Variants in MED13L observed in about 807,000 individuals in gnomAD.
The protein encoded by MED13L is mediator of RNA polymerase II transcription subunit 13-like.
Under a neutral mutation model 220.9 loss-of-function variants are expected in MED13L, and 7 were observed. That is an observed-to-expected ratio of 0.03 (90% CI 0.02 to 0.06). The LOEUF (loss-of-function observed/expected upper bound fraction) is 0.06, where lower values mean the gene tolerates loss of function less well. Ranked by LOEUF, MED13L falls within the 10% of genes least tolerant of loss-of-function variation. MED13L has a pLI of 1.00. For synonymous variants in MED13L, 1,011 were observed against 1,015.2 expected (o/e 1.00, Z 0.08); for missense variants, 1,965 against 2,760.5 (o/e 0.71, Z 6.46).
At chr12:116,107,613 G>C (rs1366167694) in intron 3 of MED13L, among the ~76,000 whole-genome samples, 2 of 152,190 alleles carry the variant, frequency 1.3e-5, no homozygotes, top group Non-Finnish European at 1.5e-5. Context: ...CTGCTTAGCT[G>C]TGAGAGATTC....
chr12:116,276,494 G>A (rs1427593246), intron 1 of MED13L: 5 of 1,287,454 alleles, frequency 3.9e-6, no homozygotes, highest in Admixed American at 2.3e-5. Flanking sequence ...GAGGCAGGCG[G>A]CTGTCGATGT....
At chr12:116,041,692 G>A (rs924990895) in intron 4 of MED13L, among the ~76,000 whole-genome samples, 3 of 152,154 alleles carry the variant, frequency 2.0e-5, no homozygotes, top group Admixed American at 1.3e-4. Flanking sequence ...AAAATTAGCT[G>A]GGTGTGGTGG....
At chr12:116,134,103 G>GT (rs1326665528) in intron 2 of MED13L, among the ~76,000 whole-genome samples, 3 of 152,010 alleles carry the variant, frequency 2.0e-5, no homozygotes, top group East Asian at 3.9e-4. Flanking sequence ...AAAATAAACT[G>GT]TTTTTTGCTA....
Position 116,192,319 on chromosome 12 carries a change from G to C in MED13L, c.310+45149C>G, listed in dbSNP as rs1466508667. Among the ~76,000 whole-genome samples the C allele has an allele frequency of 2.0e-5, 3 of 152,166 alleles. No homozygotes were observed. In the East Asian group the frequency reaches 5.8e-4, roughly 29 times the overall value. On this transcript the variant is annotated intron_variant, in intron 2 of 30. Transcript: ENST00000281928. ...AAATTTAACTGTCTAATATCTGTTA[G>C]TTATATTTGTTTTGAAGAAAAATGT...
intron 17 of MED13L, among the ~76,000 whole-genome samples, chr12:115,988,173 T>C (rs1008003018): frequency 6.6e-6 from 1 of 152,238 alleles, no homozygotes; most frequent in Non-Finnish European, 1.5e-5. Context: ...AAGATTTATC[T>C]GCCAACTAAA....
intron 11 of MED13L, 84 bp downstream of exon 11, chr12:116,007,327 T>C: frequency 7.8e-7 from 1 of 1,275,740 alleles, no homozygotes; most frequent in Non-Finnish European, 1.1e-6. Flanking sequence ...TCAAACGTTC[T>C]GCCTCCAAAG....
intron 2 of MED13L, among the ~76,000 whole-genome samples, chr12:116,124,696 T>TG (rs1488223346): frequency 6.6e-6 from 1 of 152,196 alleles, no homozygotes; most frequent in Non-Finnish European, 1.5e-5. Context: ...TCCCTGCACC[T>TG]GGTGAAGGTT....
intron 3 of MED13L, among the ~76,000 whole-genome samples, chr12:116,101,830 CAT>C (rs1873087947): frequency 6.6e-6 from 1 of 152,124 alleles, no homozygotes; most frequent in African/African-American, 2.4e-5. Context: ...AGACACACTC[CAT>C]CAGGCAAAAA....
At chr12:116,117,315 A>C (rs892258031) in intron 2 of MED13L, among the ~76,000 whole-genome samples, 14 of 152,176 alleles carry the variant, frequency 9.2e-5, no homozygotes, top group Non-Finnish European at 1.5e-4. Context: ...GGGACACCGG[A>C]AATTTGAGGG....
intron 2 of MED13L, among the ~76,000 whole-genome samples, chr12:116,165,337 T>C (rs541531306): frequency 1.2e-4 from 18 of 150,818 alleles, no homozygotes; most frequent in African/African-American, 4.4e-4. Context: ...ACTTTTTTGT[T>C]TGTTTATTTT....
chr12:116,141,270 A>G (rs889371049), intron 2 of MED13L, among the ~76,000 whole-genome samples: 1 of 152,226 alleles, frequency 6.6e-6, no homozygotes, highest in African/African-American at 2.4e-5. Context: ...ATAACTAGTT[A>G]TTGTAATTAT....
chr12:116,232,658 G>A (rs1018458498), intron 2 of MED13L, among the ~76,000 whole-genome samples: 1 of 152,202 alleles, frequency 6.6e-6, no homozygotes, highest in African/African-American at 2.4e-5. Flanking sequence ...CTGGACCAGA[G>A]ATTTGTAATG....
intron 1 of MED13L, among the ~76,000 whole-genome samples, chr12:116,247,377 A>G (rs1871188226): frequency 6.6e-6 from 1 of 152,236 alleles, no homozygotes; most frequent in Admixed American, 6.5e-5. Flanking sequence ...TATCCCATAA[A>G]TTGTGCTGCA....
intron 2 of MED13L, 123 bp downstream of exon 2, chr12:116,237,345 A>G: frequency 3.7e-6 from 3 of 807,830 alleles, no homozygotes; most frequent in Admixed American, 2.1e-5. Context: ...TCCTTTTGAG[A>G]GAGACATCCA....
chr12:116,145,707 A>ATTTGTTT (rs1877444314), intron 2 of MED13L, among the ~76,000 whole-genome samples: 1 of 92,688 alleles, frequency 1.1e-5, no homozygotes, highest in African/African-American at 4.8e-5. Flanking sequence ...ATTTATTTTA[A>ATTTGTTT]ATTTTTGTAG....
intron 2 of MED13L, among the ~76,000 whole-genome samples, chr12:116,147,567 T>C (rs566705726): frequency 6.6e-6 from 1 of 152,262 alleles, no homozygotes; most frequent in East Asian, 1.9e-4. Context: ...GACAGAGCAG[T>C]CTTTAACTTA....
chr12:116,066,084 G>A (rs1869897924), intron 4 of MED13L, among the ~76,000 whole-genome samples: 1 of 152,152 alleles, frequency 6.6e-6, no homozygotes, highest in Admixed American at 6.5e-5. Flanking sequence ...GATTCAGTCT[G>A]TCTTTGACTC....
At chr12:116,129,563 C>T (rs1001028366) in intron 2 of MED13L, among the ~76,000 whole-genome samples, 10 of 152,154 alleles carry the variant, frequency 6.6e-5, no homozygotes, top group African/African-American at 1.2e-4. Context: ...CCAGACATTA[C>T]GCCTTGGCAA....
Position 115,991,822 on chromosome 12 carries a change from AGGGGTTGCT to A in MED13L, c.3123_3131del (p.Ala1042_Pro1044del). ...TTCGTGGTGTGGGGACAGAGAAGCGAGGGGTTGCTGGAGATGGTAGGACTCCTGCCCCAC... is the reference window on the plus strand; with the variant it reads ...TTCGTGGTGTGGGGACAGAGAAGCGAGGAGATGGTAGGACTCCTGCCCCAC... On this transcript the variant is annotated inframe_deletion, in exon 17 of 31. Transcript: ENST00000281928. This position sits in a 1 kb window ranked among gnomAD's most constrained non-coding sequence, Gnocchi z 7.7. 1 of 1,612,788 alleles carries A rather than the reference AGGGGTTGCT, an allele frequency of 6.2e-7. No individual in the cohort carries two copies. Among genetic ancestry groups the A allele is most frequent in the Non-Finnish European group, 8.5e-7 (1 of 1,179,968 alleles).
Sources: gnomAD v4.1 joint callset for allele counts (sites outside exome capture counted in the v4.1 genomes callset) on GRCh38, gnomAD v4.1.1 for gene constraint, Gnocchi (gnomAD v3.1) non-coding constraint, MANE v1.5 for transcripts, NCBI Gene and HGNC (gene_info 2026-07-23, HGNC 2026-07-21) for gene names.